USH2A: variants seen among roughly 807,000 people sequenced by gnomAD.
USH2A encodes the protein Usher syndrome 2A (autosomal recessive, mild).
Under a neutral mutation model 538.9 loss-of-function variants are expected in USH2A, and 443 were observed. The ratio of observed to expected loss-of-function variants is 0.82; its 90% CI spans 0.76 to 0.89. The LOEUF is 0.89. Ranked by LOEUF, USH2A falls within the 40% of genes least tolerant of loss-of-function variation. The probability of loss-of-function intolerance (pLI) is 0.00; values close to 1 mark genes in which losing one functional copy is unlikely to be tolerated. For missense variants in USH2A, 6,633 were observed against 6,324.8 expected (o/e 1.05, Z -1.65); for synonymous variants, 2,413 against 2,273.5 (o/e 1.06, Z -1.75).
intron 9 of USH2A, among the ~76,000 whole-genome samples, chr1:216,296,198 G>T (rs1257536162): frequency 6.6e-6 from 1 of 152,050 alleles, no homozygotes; most frequent in Admixed American, 6.5e-5. Flanking sequence ...ATATCAGGTA[G>T]TGCTACTTTT....
chr1:216,382,133 T>C (rs982903725), intron 3 of USH2A, among the ~76,000 whole-genome samples: 3 of 152,236 alleles, frequency 2.0e-5, no homozygotes, highest in African/African-American at 7.2e-5. Flanking sequence ...TGCCGAGCCC[T>C]GAAGGGAACA....
At chr1:215,971,667 G>A (rs1667497163) in intron 35 of USH2A, among the ~76,000 whole-genome samples, 1 of 152,044 alleles carries the variant, frequency 6.6e-6, no homozygotes, top group African/African-American at 2.4e-5. Context: ...GTAAATATCA[G>A]CTATGGTCTC....
intron 47 of USH2A, among the ~76,000 whole-genome samples, chr1:215,821,284 T>C (rs548115003): frequency 2.0e-5 from 3 of 151,772 alleles, no homozygotes; most frequent in Non-Finnish European, 4.4e-5. Context: ...ATCAAAGCCA[T>C]TTTATCTGGG....
intron 21 of USH2A, among the ~76,000 whole-genome samples, chr1:216,162,094 T>G (rs1181746167): frequency 6.6e-6 from 1 of 152,108 alleles, no homozygotes; most frequent in African/African-American, 2.4e-5. Context: ...TTTTTCATAT[T>G]TGATAATATT....
At chr1:216,367,077 T>C (rs2038614236) in intron 3 of USH2A, among the ~76,000 whole-genome samples, 1 of 152,188 alleles carries the variant, frequency 6.6e-6, no homozygotes, top group African/African-American at 2.4e-5. Flanking sequence ...CTCTACTGTC[T>C]TTACCCAGCC....
rs144488920 is a variant in USH2A at position 215,784,102 on chromosome 1, C to T, written c.10388-1167G>A. Among the ~76,000 whole-genome samples the T allele has an allele frequency of 2.5e-3, 384 of 152,164 alleles. 4 individuals are homozygous for T. Among genetic ancestry groups the T allele is most frequent in the African/African-American group, 9.0e-3 (372 of 41,498 alleles). On this transcript the variant is annotated intron_variant, in intron 52 of 71. Coordinates refer to ENST00000307340, the MANE Select transcript of USH2A (RefSeq NM_206933.4). ...TGCCACTTGTTGCCTGTGATGGCAA[C>T]CATGAGTCCCCAGTTCTCCCTTCCA...
At chr1:215,711,776 T>C (rs906582800) in intron 61 of USH2A, among the ~76,000 whole-genome samples, 4 of 152,218 alleles carry the variant, frequency 2.6e-5, no homozygotes, top group African/African-American at 9.6e-5. Flanking sequence ...CTGCACACTG[T>C]AATGTGCTGA....
intron 2 of USH2A, 42 bp from the exon 3 acceptor site, chr1:216,418,721 A>G: frequency 6.2e-7 from 1 of 1,607,346 alleles, no homozygotes; most frequent in Admixed American, 1.7e-5. Context: ...TCAGCATCCA[A>G]CCAAAAAGAC....
At chr1:215,858,134 G>A (rs968441315) in intron 44 of USH2A, among the ~76,000 whole-genome samples, 6 of 152,018 alleles carry the variant, frequency 3.9e-5, no homozygotes, top group Non-Finnish European at 7.4e-5. Flanking sequence ...AAGAAATCGG[G>A]ATTTCCTGTG....
chr1:216,369,952 C>T (rs1408360868), intron 3 of USH2A, among the ~76,000 whole-genome samples: 1 of 145,386 alleles, frequency 6.9e-6, no homozygotes, highest in African/African-American at 2.6e-5. Flanking sequence ...GTATGTCAGA[C>T]ATTGTTCTAA....
intron 3 of USH2A, among the ~76,000 whole-genome samples, chr1:216,408,946 A>G (rs1031808706): frequency 1.3e-5 from 2 of 152,144 alleles, no homozygotes; most frequent in African/African-American, 4.8e-5. Context: ...CACCCAATTT[A>G]AAACTTATGA....
chr1:215,644,815 G>A (rs575503101), intron 67 of USH2A, among the ~76,000 whole-genome samples: 6 of 152,312 alleles, frequency 3.9e-5, no homozygotes, highest in South Asian at 4.1e-4. Context: ...TCTGCAGACC[G>A]TTCCTCAGGA....
chr1:215,674,953 C>G lies in USH2A; in HGVS notation c.12958G>C (p.Asp4320His), dbSNP rs140202956. 5.6e-6 allele frequency: 9 copies of G among 1,614,154 alleles called. No individual in the cohort carries two copies. In the African/African-American group the frequency reaches 1.1e-4, roughly 19 times the overall value. Residue 4320 changes from aspartate to histidine, a missense_variant, in exon 63 of 72, where the codon GAT becomes CAT. By Grantham distance (81) the Asp-to-His change is moderately conservative (BLOSUM62 -1). Coordinates refer to ENST00000307340, the MANE Select transcript of USH2A (RefSeq NM_206933.4). ...SFDPVTFNYTDEELLPFSTYS... is the reference protein window; with the variant it reads ...SFDPVTFNYTHEELLPFSTYS... Reference sequence around the variant, plus strand: ...GTGGAAAAAGGAAGAAGCTCTTCATCAGTGTAATTGAAAGTCACAGGATCA... The same window carrying G: ...GTGGAAAAAGGAAGAAGCTCTTCATGAGTGTAATTGAAAGTCACAGGATCA...
chr1:215,751,527 A>G (rs960106938), intron 58 of USH2A, among the ~76,000 whole-genome samples: 1 of 152,114 alleles, frequency 6.6e-6, no homozygotes, highest in African/African-American at 2.4e-5. Context: ...CAGAGTTTAA[A>G]TAATTTTGAA....
chr1:215,645,662 T>C (rs1656819661), intron 67 of USH2A, among the ~76,000 whole-genome samples: 1 of 152,224 alleles, frequency 6.6e-6, no homozygotes, highest in African/African-American at 2.4e-5. Flanking sequence ...GTGTGAGACA[T>C]TGGTCTTTAT....
At position 215,650,672 on chromosome 1, in the gene USH2A, T is replaced by C; in HGVS notation, c.14263A>G (p.Ile4755Val). The change falls in exon 65 of 72, where the codon ATC becomes GTC. Residue 4755 changes from isoleucine (I) to valine (V), a missense_variant. Physicochemically the swap from Ile to Val is conservative, Grantham distance 29. Transcript: ENST00000307340. The part of the protein sequence containing the change: ...VISSTQAVVN[I>V]SAPGKPNGIV... ...CCGTTGGGCTTCCCAGGGGCACTGA[T>C]GTTGACCACTGCTTGGGTAGAAGAG... is the stretch of plus-strand genomic sequence containing the variant. The C allele has an allele frequency of 6.2e-7, 1 of 1,614,124 alleles. No individual in the cohort carries two copies. Among genetic ancestry groups the C allele is most frequent in the Non-Finnish European group, 8.5e-7 (1 of 1,180,018 alleles).
intron 14 of USH2A, among the ~76,000 whole-genome samples, chr1:216,222,715 ACGCCTGTAAT>A (rs2035480562): frequency 1.3e-5 from 2 of 152,232 alleles, no homozygotes; most frequent in African/African-American, 4.8e-5. Flanking sequence ...GCGGTGGCTC[ACGCCTGTAAT>A]CCCAGCACTT....
chr1:216,231,948 T>C lies in USH2A; in HGVS notation c.2993+5A>G. 1 of 1,613,954 alleles carries C rather than the reference T, an allele frequency of 6.2e-7. No individual in the cohort carries two copies. The highest frequency in any genetic ancestry group is 1.3e-5 in the African/African-American group (1 of 75,060). ...GTTAAATTATTAAAGCTTATAAAGA[T>C]GTACCTTCCAGTCTGAGGATCAAAT... is the stretch of plus-strand genomic sequence containing the variant. On this transcript the variant is annotated splice_donor_5th_base_variant and intron_variant, in intron 14 of 71. Coordinates refer to ENST00000307340, the MANE Select transcript of USH2A (RefSeq NM_206933.4).
Position 215,900,082 on chromosome 1 carries a change from T to C in USH2A, c.7587A>G (p.Ala2529=). The C allele has an allele frequency of 6.2e-7, 1 of 1,613,732 alleles. No homozygotes were observed. Among genetic ancestry groups the C allele is most frequent in the Non-Finnish European group, 8.5e-7 (1 of 1,179,726 alleles). The change falls in exon 40 of 72, where the codon GCA becomes GCG. Residue 2529 remains alanine, a synonymous_variant. Coordinates refer to ENST00000307340, the MANE Select transcript of USH2A (RefSeq NM_206933.4). ...ATTGTTCAGACCACTTACTGTCCTC[T>C]GCGGTCATGAATGGAATCCAAGAAC... ...AHSSWIPFMT[A]EDKPGPVVPP... is the part of the protein sequence containing the mutation.
Sources: gnomAD v4.1 joint callset for allele counts (sites outside exome capture counted in the v4.1 genomes callset) on GRCh38, gnomAD v4.1.1 for gene constraint, MANE v1.5 for transcripts, NCBI Gene and HGNC (gene_info 2026-07-23, HGNC 2026-07-21) for gene names.